The following PBLD variants were observed in gnomAD, a reference collection of about 807,000 sequenced individuals.
The protein encoded by PBLD is phenazine biosynthesis like protein domain containing, also known as phenazine biosynthesis-like domain-containing protein.
In PBLD, 26 loss-of-function variants were observed where a neutral mutation model predicts 31.3. The observed-to-expected ratio is 0.83, with a 90% CI of 0.61 to 1.15. The LOEUF (loss-of-function observed/expected upper bound fraction) is 1.15. Ranked by LOEUF, PBLD falls within the 50% of genes most tolerant of loss-of-function variation. The pLI, the probability that PBLD is intolerant of heterozygous loss-of-function variation, is 0.00. For missense variants in PBLD, 307 were observed against 351.7 expected (o/e 0.87, Z 1.02); for synonymous variants, 114 against 129.0 (o/e 0.88, Z 0.79).
At chr10:68,291,223 G>A (rs1407194388) in intron 6 of PBLD, among the ~76,000 whole-genome samples, 1 of 152,154 alleles carries the variant, frequency 6.6e-6, no homozygotes, top group Admixed American at 6.5e-5. Flanking sequence ...ACCTTCATGG[G>A]ACAACTGCAG....
rs368627046 is a variant in PBLD at position 68,284,143 on chromosome 10, G to A, written c.*34C>T. 2 of 1,548,778 alleles carry A rather than the reference G, an allele frequency of 1.3e-6. No homozygotes were observed. Among genetic ancestry groups the A allele is most frequent in the Admixed American group, 1.7e-5 (1 of 58,100 alleles). On this transcript the variant is annotated 3_prime_UTR_variant, in exon 10 of 10. Transcript: ENST00000358769. ...TCTTTTTAAGCAGAAAATACTTGGT[G>A]GTTAGAGACAGCAGCGTCACAGCAT...
intron 1 of PBLD, chr10:68,331,487 C>T (rs998185565): frequency 6.6e-6 from 1 of 152,386 alleles, no homozygotes; most frequent in Non-Finnish European, 1.5e-5. Flanking sequence ...CGGCCAGCAA[C>T]TCTGGGCCAG....
chr10:68,290,563 C>A (rs1165803873), intron 6 of PBLD, among the ~76,000 whole-genome samples: 1 of 152,030 alleles, frequency 6.6e-6, no homozygotes, highest in East Asian at 1.9e-4. Context: ...ACTAAAAATA[C>A]AAAATTAGCC....
intron 1 of PBLD, among the ~76,000 whole-genome samples, chr10:68,318,885 C>G (rs916061527): frequency 6.6e-6 from 1 of 151,544 alleles, no homozygotes; most frequent in Admixed American, 6.6e-5. Flanking sequence ...GAGGTATGAT[C>G]ACACCACTGT....
At chr10:68,312,802 G>A (rs192018930) in intron 1 of PBLD, among the ~76,000 whole-genome samples, 6,209 of 151,742 alleles carry the variant, frequency 0.041, 159 homozygotes, top group Non-Finnish European at 0.045. Context: ...TAGTAGAGAC[G>A]GGGTTTCACC....
intron 1 of PBLD, among the ~76,000 whole-genome samples, chr10:68,311,789 G>A (rs1371995057): frequency 6.7e-6 from 1 of 149,700 alleles, no homozygotes; most frequent in African/African-American, 2.5e-5. Context: ...CTGATAGAAA[G>A]CACTAGGGTG....
At chr10:68,311,304 C>T (rs2044664081) in intron 1 of PBLD, among the ~76,000 whole-genome samples, 1 of 151,602 alleles carries the variant, frequency 6.6e-6, no homozygotes, top group Non-Finnish European at 1.5e-5. Flanking sequence ...ATTAGCTGGG[C>T]GGCCAGGCAT....
chr10:68,319,439 T>C (rs554669155), intron 1 of PBLD, among the ~76,000 whole-genome samples: 6 of 152,282 alleles, frequency 3.9e-5, no homozygotes, highest in African/African-American at 1.4e-4. Context: ...TCCCAGCACT[T>C]TGGGAGGCCA....
At chr10:68,323,842 G>C (rs1474254610) in intron 1 of PBLD, among the ~76,000 whole-genome samples, 5 of 152,120 alleles carry the variant, frequency 3.3e-5, no homozygotes, top group Non-Finnish European at 7.4e-5. Flanking sequence ...TTTTACAACA[G>C]ATTCCACAGC....
chr10:68,296,820 G>A, intron 3 of PBLD, 66 bp downstream of exon 3: 4 of 1,368,952 alleles, frequency 2.9e-6, no homozygotes, highest in Non-Finnish European at 4.1e-6. Context: ...AGTGAGTCAA[G>A]ATCATGCCAC....
intron 5 of PBLD, 28 bp from the exon 6 acceptor site, chr10:68,292,067 A>G: frequency 6.3e-7 from 1 of 1,595,808 alleles, no homozygotes; most frequent in Non-Finnish European, 8.6e-7. Flanking sequence ...AAACAAAATT[A>G]TTATAAAACA....
At position 68,285,761 on chromosome 10, in the gene PBLD, C is replaced by G. The variant is rs12254283; in HGVS notation, c.692-351G>C. On this transcript the variant is annotated intron_variant, in intron 8 of 9. Transcript: ENST00000358769. ...TGACACAATCATGGCTCACTGCAGT[C>G]TTGACATCCCGTTCTCAAGCCATCC... is the stretch of plus-strand genomic sequence containing the variant. Among the ~76,000 whole-genome samples, 899 of 152,124 alleles carry G rather than the reference C, an allele frequency of 5.9e-3. 8 individuals are homozygous for G. The highest frequency in any genetic ancestry group is 0.021 in the African/African-American group (858 of 41,504).
At chr10:68,304,859 A>C (rs761631283) in intron 2 of PBLD, among the ~76,000 whole-genome samples, 3 of 152,234 alleles carry the variant, frequency 2.0e-5, no homozygotes, top group Non-Finnish European at 2.9e-5. Flanking sequence ...AAAGGTCATG[A>C]CTTGGAATCT....
chr10:68,324,927 C>A (rs2044892726), intron 1 of PBLD, among the ~76,000 whole-genome samples: 1 of 138,642 alleles, frequency 7.2e-6, no homozygotes, highest in African/African-American at 2.7e-5. Context: ...ACTCTCCACA[C>A]TTTAATCAGA....
At chr10:68,316,779 G>A (rs1423085372) in intron 1 of PBLD, among the ~76,000 whole-genome samples, 1 of 152,126 alleles carries the variant, frequency 6.6e-6, no homozygotes, top group African/African-American at 2.4e-5. Flanking sequence ...TTGGGAGGCT[G>A]AGGAGGGCAG....
At chr10:68,322,458 C>A (rs1161408767) in intron 1 of PBLD, among the ~76,000 whole-genome samples, 1 of 150,082 alleles carries the variant, frequency 6.7e-6, no homozygotes, top group African/African-American at 2.5e-5. Flanking sequence ...CCCAGGAATT[C>A]AAGACCAGGC....
At chr10:68,330,535 A>G (rs1196772309) in intron 1 of PBLD, among the ~76,000 whole-genome samples, 1 of 151,946 alleles carries the variant, frequency 6.6e-6, no homozygotes, top group East Asian at 1.9e-4. Flanking sequence ...TTGAACTTGC[A>G]CTGATTTTTT....
At chr10:68,299,330 C>A (rs2044474311) in intron 2 of PBLD, among the ~76,000 whole-genome samples, 1 of 151,812 alleles carries the variant, frequency 6.6e-6, no homozygotes, top group Non-Finnish European at 1.5e-5. Context: ...AATTTCAAGA[C>A]AAATGCATTT....
At chr10:68,304,888 T>C (rs752807103) in intron 2 of PBLD, among the ~76,000 whole-genome samples, 3 of 152,226 alleles carry the variant, frequency 2.0e-5, no homozygotes, top group Non-Finnish European at 4.4e-5. Flanking sequence ...ATTGTTTTCA[T>C]ACTAATCTTC....
Sources: allele counts gnomAD v4.1 joint callset (sites outside exome capture counted in the v4.1 genomes callset), GRCh38; gene constraint gnomAD v4.1.1; transcripts MANE v1.5; gene names NCBI Gene and HGNC (gene_info 2026-07-23, HGNC 2026-07-21).